The following ERI1 variants were observed in gnomAD, a reference collection of about 807,000 sequenced individuals.
ERI1 encodes the protein 3'-5' exoribonuclease 1.
ERI1 carries 39 observed loss-of-function variants against 39.7 expected under a neutral mutation model. That is an observed-to-expected ratio of 0.98 (90% CI 0.76 to 1.28). The LOEUF (loss-of-function observed/expected upper bound fraction) is 1.28, where lower values mean the gene tolerates loss of function less well. ERI1 is among the 50% of genes most tolerant of loss of function. ERI1 has a pLI of 0.00. For missense variants in ERI1, 581 were observed against 416.9 expected (o/e 1.39, Z -3.43); for synonymous variants, 204 against 149.6 (o/e 1.36, Z -2.65).
intron 3 of ERI1, among the ~76,000 whole-genome samples, chr8:9,057,699 A>G (rs1386013003): frequency 8.5e-6 from 1 of 117,828 alleles, no homozygotes; most frequent in Non-Finnish European, 1.9e-5. Flanking sequence ...GTTGTCAAAT[A>G]AATTAAAAGA....
chr8:9,018,181 T>TA (rs1817501746), intron 4 of ERI1, 116 bp from the exon 5 acceptor site: 1 of 529,840 alleles, frequency 1.9e-6, no homozygotes, highest in East Asian at 2.9e-5. Flanking sequence ...ACCATGAATT[T>TA]AAAGTATCAG....
chr8:9,018,344 A>C lies in ERI1; in HGVS notation c.630A>C (p.Val210=). 4 of 1,612,816 alleles carry C rather than the reference A, an allele frequency of 2.5e-6. No individual in the cohort carries two copies. In the African/African-American group the frequency reaches 5.3e-5, roughly 21 times the overall value. ...ADTFPQVLKK[V]IDWMKLKELG... is the part of the protein sequence containing the mutation. ...CCTTCCCTCAGGTACTAAAAAAAGTAATTGACTGGATGAAATTGAAGGAAT... is the reference window on the plus strand; with the variant it reads ...CCTTCCCTCAGGTACTAAAAAAAGTCATTGACTGGATGAAATTGAAGGAAT... Residue 210 remains valine (V), a synonymous_variant, in exon 5 of 7, where the codon GTA becomes GTC. Transcript: ENST00000250263.
At chr8:9,064,905 A>G (rs1798826079) in intron 3 of ERI1, among the ~76,000 whole-genome samples, 1 of 152,050 alleles carries the variant, frequency 6.6e-6, no homozygotes, top group Non-Finnish European at 1.5e-5. Flanking sequence ...CAGCGAAGGG[A>G]GACAGGGGTG....
intron 3 of ERI1, among the ~76,000 whole-genome samples, chr8:9,015,605 C>G (rs371316582): frequency 3.2e-4 from 49 of 151,814 alleles, no homozygotes; most frequent in African/African-American, 9.7e-4. Context: ...GTCTGTAGTC[C>G]CAGCTAGTTG....
Position 9,028,385 on chromosome 8 carries a change from G to A in ERI1, c.808-1407G>A, listed in dbSNP as rs1797335046. Among the ~76,000 whole-genome samples the A allele has an allele frequency of 2.0e-5, 3 of 152,174 alleles. No individual in the cohort carries two copies. The South Asian group carries it at 6.2e-4, about 31-fold the overall frequency. ...CTATTTTTAGAAGTGCGTTTTCCAA[G>A]TGATAATTAGTGGAAGGTACAGGGT... On this transcript the variant is annotated intron_variant, in intron 6 of 6. Coordinates refer to ENST00000250263, the MANE Select transcript of ERI1 (RefSeq NM_153332.4).
intron 6 of ERI1, among the ~76,000 whole-genome samples, chr8:9,024,674 C>T (rs1036082): frequency 0.3 from 45,843 of 151,984 alleles, 7,406 homozygotes; most frequent in African/African-American, 0.37. Flanking sequence ...TCTGCCCCCC[C>T]TCGGCCTCCT....
chr8:9,024,080 A>G (rs1029905095), intron 6 of ERI1, among the ~76,000 whole-genome samples: 29 of 152,146 alleles, frequency 1.9e-4, no homozygotes, highest in Admixed American at 1.8e-3. Flanking sequence ...AATTATAGGC[A>G]TGAGCCATTG....
chr8:9,018,300 C>G lies in ERI1; in HGVS notation c.586C>G (p.Gln196Glu), dbSNP rs935601654. ...TATTTTACTTTTATATCCTCAGGAT[C>G]AGGTAGACAGAGCTGATACCTTCCC... The part of the protein sequence containing the change: ...CISLTGITQD[Q>E]VDRADTFPQV... The change falls in exon 5 of 7, where the codon CAG (glutamine) becomes GAG (glutamate). Residue 196 changes from glutamine to glutamate, a missense_variant. Gln to Glu is a conservative substitution (Grantham distance 29). Coordinates refer to ENST00000250263, the MANE Select transcript of ERI1 (RefSeq NM_153332.4). 10 of 1,596,904 alleles carry G rather than the reference C, an allele frequency of 6.3e-6. No homozygotes were observed. In the African/African-American group the frequency reaches 1.1e-4, roughly 17 times the overall value.
At chr8:9,028,413 A>G (rs1347317192) in intron 6 of ERI1, among the ~76,000 whole-genome samples, 1 of 152,208 alleles carries the variant, frequency 6.6e-6, no homozygotes, top group African/African-American at 2.4e-5. Context: ...TACAGGGTAT[A>G]TTGCAGTATT....
At chr8:9,003,598 A>G (rs1023315981) in intron 1 of ERI1, among the ~76,000 whole-genome samples, 3 of 152,208 alleles carry the variant, frequency 2.0e-5, no homozygotes, top group Admixed American at 2.0e-4. Flanking sequence ...AGCACTCACC[A>G]GCATCCCTGT....
intron 3 of ERI1, chr8:9,100,060 A>G (rs1042781039): frequency 6.5e-6 from 1 of 152,716 alleles, no homozygotes; most frequent in African/African-American, 2.4e-5. Context: ...TGCATTATTC[A>G]TTAACCCCTT....
chr8:9,034,992 A>G (rs1328499304), downstream of ERI1, among the ~76,000 whole-genome samples: 1 of 152,254 alleles, frequency 6.6e-6, no homozygotes, highest in Non-Finnish European at 1.5e-5. Flanking sequence ...TCCTTAAGCC[A>G]AAGCCTAATC....
intron 3 of ERI1, among the ~76,000 whole-genome samples, chr8:9,047,308 C>T (rs150446911): frequency 5.6e-4 from 86 of 152,290 alleles, no homozygotes; most frequent in Non-Finnish European, 1.1e-3. Context: ...GCTTACTCCA[C>T]TAATTAGCCT....
downstream of ERI1, among the ~76,000 whole-genome samples, chr8:9,037,542 A>G (rs1375780464): frequency 6.6e-6 from 1 of 151,514 alleles, no homozygotes; most frequent in Non-Finnish European, 1.5e-5. Context: ...TAAATTATTC[A>G]GGCACAGGTT....
At chr8:9,059,632 A>C (rs74903659) in intron 3 of ERI1, among the ~76,000 whole-genome samples, 2 of 152,260 alleles carry the variant, frequency 1.3e-5, no homozygotes, top group Non-Finnish European at 2.9e-5. Context: ...TTAAAGGACT[A>C]AGAATTGGGA....
chr8:9,041,003 C>T (rs1335623341), intron 3 of ERI1, among the ~76,000 whole-genome samples: 1 of 152,148 alleles, frequency 6.6e-6, no homozygotes, highest in East Asian at 1.9e-4. Flanking sequence ...CAAGGTATAG[C>T]GTAATGAGAC....
At chr8:9,039,343 C>G (rs1005150396) in intron 3 of ERI1, among the ~76,000 whole-genome samples, 1 of 152,270 alleles carries the variant, frequency 6.6e-6, no homozygotes, top group Non-Finnish European at 1.5e-5. Context: ...GATACATGTT[C>G]ATCATATAAT....
chr8:9,069,154 G>A (rs1248117434), intron 3 of ERI1, among the ~76,000 whole-genome samples: 2 of 152,046 alleles, frequency 1.3e-5, no homozygotes, highest in Admixed American at 1.3e-4. Context: ...AAGGGTTGTG[G>A]GGTTAACGGT....
chr8:9,094,806 T>C (rs1799823560), intron 3 of ERI1, among the ~76,000 whole-genome samples: 2 of 152,188 alleles, frequency 1.3e-5, no homozygotes, highest in East Asian at 1.9e-4. Flanking sequence ...AGTGTTTTGC[T>C]AAATTTAAAG....
Sources: allele counts gnomAD v4.1 joint callset (sites outside exome capture counted in the v4.1 genomes callset), GRCh38; gene constraint gnomAD v4.1.1; transcripts MANE v1.5; gene names NCBI Gene and HGNC (gene_info 2026-07-23, HGNC 2026-07-21).